Variants in GPC5 observed in about 807,000 individuals in gnomAD.
GPC5 encodes the protein glypican-5.
A neutral mutation model predicts 53.9 loss-of-function variants in GPC5; 47 were observed. The ratio of observed to expected loss-of-function variants is 0.87; its 90% CI spans 0.69 to 1.11. The LOEUF (loss-of-function observed/expected upper bound fraction) is 1.11. Ranked by LOEUF, GPC5 falls within the 50% of genes most tolerant of loss-of-function variation. GPC5 has a pLI of 0.00. For synonymous variants in GPC5, 286 were observed against 263.3 expected (o/e 1.09, Z -0.84); for missense variants, 748 against 713.1 (o/e 1.05, Z -0.56).
intron 7 of GPC5, among the ~76,000 whole-genome samples, chr13:92,145,804 G>C (rs765416829): frequency 6.6e-6 from 1 of 152,112 alleles, no homozygotes; most frequent in Non-Finnish European, 1.5e-5. Context: ...TTCTGGAAAG[G>C]TGCAGTCATA....
intron 7 of GPC5, among the ~76,000 whole-genome samples, chr13:92,312,570 T>A (rs1266355670): frequency 6.6e-6 from 1 of 152,166 alleles, no homozygotes; most frequent in African/African-American, 2.4e-5. Context: ...CTGCTTAATA[T>A]TTTACACTGG....
chr13:92,866,148 A>G (rs1218047552), intron 7 of GPC5, 134 bp from the exon 8 acceptor site: 4 of 566,902 alleles, frequency 7.1e-6, no homozygotes, highest in Non-Finnish European at 1.1e-5. Flanking sequence ...CATATTAATT[A>G]TGTTAGAGTT....
chr13:91,936,546 G>T (rs970675880), intron 6 of GPC5, among the ~76,000 whole-genome samples: 3 of 151,956 alleles, frequency 2.0e-5, no homozygotes, highest in Non-Finnish European at 2.9e-5. Flanking sequence ...TACATATTTG[G>T]TTTTTTATAA....
At chr13:91,460,205 T>C (rs1594117731) in intron 2 of GPC5, among the ~76,000 whole-genome samples, 2 of 152,148 alleles carry the variant, frequency 1.3e-5, no homozygotes, top group East Asian at 3.9e-4. Flanking sequence ...ATTCTCATAA[T>C]AGGAACACAT....
At chr13:92,837,298 A>C (rs1212713770) in intron 7 of GPC5, among the ~76,000 whole-genome samples, 1 of 152,206 alleles carries the variant, frequency 6.6e-6, no homozygotes, top group East Asian at 1.9e-4. Context: ...GATGGAGTAC[A>C]GTATGTTTTC....
At chr13:92,036,140 T>G (rs1476835726) in intron 6 of GPC5, among the ~76,000 whole-genome samples, 1 of 152,230 alleles carries the variant, frequency 6.6e-6, no homozygotes, top group African/African-American at 2.4e-5. Flanking sequence ...TCTATTAGTC[T>G]TGATTAACAG....
Position 92,407,731 on chromosome 13 carries a change from CTT to C in GPC5, c.1561+262743_1561+262744del, listed in dbSNP as rs1875855512. On this transcript the variant is annotated intron_variant, in intron 7 of 7. Transcript: ENST00000377067. ...CTCTCAAACAAAATTCTTTTAAAGA[CTT>C]GAGGAAAAATAGAAATCTAATATAA... Among the ~76,000 whole-genome samples, 3 of 151,812 alleles carry C rather than the reference CTT, an allele frequency of 2.0e-5. No homozygotes were observed. The South Asian group carries it at 6.3e-4, about 32-fold the overall frequency.
intron 7 of GPC5, among the ~76,000 whole-genome samples, chr13:92,595,755 G>A (rs1434966417): frequency 2.6e-5 from 3 of 114,898 alleles, no homozygotes; most frequent in South Asian, 3.6e-4. Context: ...GCGAAAGAGC[G>A]AGACTCTGTC....
chr13:92,023,982 T>C (rs1177622052), intron 6 of GPC5, among the ~76,000 whole-genome samples: 1 of 152,148 alleles, frequency 6.6e-6, no homozygotes, highest in Non-Finnish European at 1.5e-5. Flanking sequence ...GACATTATTG[T>C]ACCCATTTCA....
intron 5 of GPC5, among the ~76,000 whole-genome samples, chr13:91,880,877 G>A (rs1225413390): frequency 5.9e-5 from 9 of 151,976 alleles, no homozygotes; most frequent in South Asian, 2.1e-4. Flanking sequence ...TGCAACCTCC[G>A]CCTCCCGGGT....
At chr13:91,537,534 A>G (rs1277530272) in intron 2 of GPC5, among the ~76,000 whole-genome samples, 2 of 152,206 alleles carry the variant, frequency 1.3e-5, no homozygotes, top group Non-Finnish European at 2.9e-5. Context: ...TAAGCAAAAA[A>G]AGTCCCATAA....
chr13:92,525,748 G>A (rs1239788025), intron 7 of GPC5, among the ~76,000 whole-genome samples: 1 of 151,944 alleles, frequency 6.6e-6, no homozygotes, highest in Non-Finnish European at 1.5e-5. Flanking sequence ...AGTGAAGGGA[G>A]CTCACTTCTG....
intron 6 of GPC5, among the ~76,000 whole-genome samples, chr13:92,022,363 G>T (rs1037296734): frequency 6.6e-6 from 1 of 152,044 alleles, no homozygotes; most frequent in Non-Finnish European, 1.5e-5. Context: ...TTAGTCTATA[G>T]GATTAGACTA....
chr13:91,904,487 T>C (rs1750600643), intron 5 of GPC5, among the ~76,000 whole-genome samples: 1 of 152,052 alleles, frequency 6.6e-6, no homozygotes, highest in South Asian at 2.1e-4. Flanking sequence ...GGATTGATAC[T>C]TATTGGTGGT....
chr13:92,819,526 A>G (rs1000622809), intron 7 of GPC5, among the ~76,000 whole-genome samples: 4 of 152,220 alleles, frequency 2.6e-5, no homozygotes, highest in Non-Finnish European at 5.9e-5. Flanking sequence ...GATGAACTGT[A>G]AAACATCTTT....
intron 2 of GPC5, among the ~76,000 whole-genome samples, chr13:91,557,516 C>T (rs2031026230): frequency 6.6e-6 from 1 of 152,124 alleles, no homozygotes; most frequent in South Asian, 2.1e-4. Flanking sequence ...TGATGTCCAG[C>T]CCCAGGGCTC....
chr13:91,753,489 G>T (rs1370495013), intron 4 of GPC5, among the ~76,000 whole-genome samples: 1 of 152,066 alleles, frequency 6.6e-6, no homozygotes, highest in Non-Finnish European at 1.5e-5. Flanking sequence ...TCACTGACAG[G>T]CTCCTTCTCA....
chr13:92,550,624 G>A (rs937952283), intron 7 of GPC5, among the ~76,000 whole-genome samples: 2 of 151,682 alleles, frequency 1.3e-5, no homozygotes, highest in Admixed American at 6.6e-5. Context: ...TAAAAAACTT[G>A]TTTGGAATCT....
At chr13:92,727,147 C>A (rs971162253) in intron 7 of GPC5, among the ~76,000 whole-genome samples, 1 of 151,404 alleles carries the variant, frequency 6.6e-6, no homozygotes, top group Non-Finnish European at 1.5e-5. Context: ...ATGCAGAGCC[C>A]TGTTTTATGT....
Sources: allele counts gnomAD v4.1 joint callset (sites outside exome capture counted in the v4.1 genomes callset), GRCh38; gene constraint gnomAD v4.1.1; transcripts MANE v1.5; gene names NCBI Gene and HGNC (gene_info 2026-07-23, HGNC 2026-07-21).